TMEM223: variants seen among roughly 807,000 people sequenced by gnomAD.
TMEM223 encodes the protein transmembrane protein 223.
TMEM223 carries 14 observed loss-of-function variants against 14.1 expected under a neutral mutation model. That is an observed-to-expected ratio of 0.99 (90% CI 0.66 to 1.55). TMEM223 has a LOEUF of 1.55. TMEM223 is among the 40% of genes most tolerant of loss of function. TMEM223 has a pLI of 0.00. For missense variants in TMEM223, 346 were observed against 269.9 expected, an observed-to-expected ratio of 1.28 and a Z score of -1.97; for synonymous variants, 145 against 120.5, an observed-to-expected ratio of 1.20 and a Z score of -1.33.
In TMEM223 at chr11:62,790,110, C is replaced by T. The variant is rs558769093; in HGVS notation, c.*513G>A. 4.4e-4 allele frequency: 651 copies of T among 1,485,638 alleles called. 2 individuals are homozygous for T. The highest frequency in any genetic ancestry group is 4.0e-3 in the Middle Eastern group (16 of 3,992). The allele number at this position is 1,485,638 out of a possible 1,614,324, so 92.0% of individuals were successfully genotyped here. On this transcript the variant is annotated 3_prime_UTR_variant, in exon 2 of 2. Coordinates refer to ENST00000307366, the MANE Select transcript of TMEM223 (RefSeq NM_001080501.3). The stretch of plus-strand genomic sequence containing the variant: ...TGCCCAAGTGCCTGTAATCCCCCCC[C>T]TCAAGGCCCTGTTTATGTTGGGAGT...
chr11:62,788,309 A>T (rs1016134190), downstream of TMEM223, among the ~76,000 whole-genome samples: 1 of 152,216 alleles, frequency 6.6e-6, no homozygotes, highest in Admixed American at 6.5e-5. Context: ...AGGCTGAGGC[A>T]GGAGAATCGC....
chr11:62,786,230 T>G, downstream of TMEM223: 1 of 1,598,004 alleles, frequency 6.3e-7, no homozygotes, highest in Non-Finnish European at 8.6e-7. Flanking sequence ...ATCAAAGACA[T>G]GCTAACTGTA....
downstream of TMEM223, chr11:62,787,000 C>T (rs1357203247): frequency 1.1e-5 from 17 of 1,481,884 alleles, no homozygotes; most frequent in Admixed American, 3.0e-4. Context: ...CAGGCCCTTG[C>T]CGCGCGTGCA....
intron 1 of TMEM223, chr11:62,778,421 C>T (rs915951792): frequency 2.0e-5 from 30 of 1,489,794 alleles, no homozygotes; most frequent in Admixed American, 7.0e-5. Context: ...CCCGAGTCTG[C>T]GTCTAACATG....
downstream of TMEM223, chr11:62,788,977 A>AC: frequency 1.3e-6 from 2 of 1,565,492 alleles, no homozygotes; most frequent in Non-Finnish European, 1.7e-6. Flanking sequence ...GACTGTATCT[A>AC]GAGACATTAA....
rs879747751 is a variant in TMEM223 at position 62,790,151 on chromosome 11, G to T, written c.*472C>A. ...TGTTGGGAGTCTTAGTTTTCCTTTC[G>T]TTGGGGGGTGGGGGGGAAACATAAT... On this transcript the variant is annotated 3_prime_UTR_variant, in exon 2 of 2. Coordinates refer to ENST00000307366, the MANE Select transcript of TMEM223 (RefSeq NM_001080501.3). 3 of 1,300,180 alleles carry T rather than the reference G, an allele frequency of 2.3e-6. No homozygotes were observed. Among genetic ancestry groups the T allele is most frequent in the East Asian group, 2.6e-5 (1 of 38,010 alleles). The allele number at this position is 1,300,180 out of a possible 1,614,324, so 80.5% of individuals were successfully genotyped here.
intron 1 of TMEM223, chr11:62,782,435 G>A: frequency 7.7e-7 from 1 of 1,305,986 alleles, no homozygotes. Flanking sequence ...TCTATGAGAA[G>A]ATGGGGAACC....
intron 1 of TMEM223, among the ~76,000 whole-genome samples, chr11:62,780,223 CAGG>C (rs2084218671): frequency 6.6e-6 from 1 of 151,498 alleles, no homozygotes; most frequent in African/African-American, 2.4e-5. Flanking sequence ...GAGGCTGAGG[CAGG>C]AGAATTGCTT....
downstream of TMEM223, chr11:62,789,315 C>T: frequency 1.9e-6 from 3 of 1,614,104 alleles, no homozygotes; most frequent in Non-Finnish European, 2.5e-6. Flanking sequence ...CTGCGCATTG[C>T]ACTGGCCATC....
intron 1 of TMEM223, chr11:62,781,611 C>T (rs2084230251): frequency 3.0e-6 from 1 of 336,394 alleles, no homozygotes; most frequent in South Asian, 2.3e-5. Context: ...GGAGGTGGAG[C>T]TTGCAGTGAG....
At chr11:62,774,581 G>A (rs751034826) in intron 2 of TMEM223, 17 of 454,520 alleles carry the variant, frequency 3.7e-5, no homozygotes, top group Admixed American at 1.2e-4. Context: ...TCACTTTGGC[G>A]CACGGGAGCC....
At chr11:62,786,402 C>T (rs1474410073), downstream of TMEM223, 3 of 1,609,952 alleles carry the variant, frequency 1.9e-6, no homozygotes, top group East Asian at 4.5e-5. Context: ...AGTACCGTCC[C>T]CTTCCAGCCT....
At chr11:62,787,453 C>T, downstream of TMEM223, 3 of 1,569,618 alleles carry the variant, frequency 1.9e-6, no homozygotes, top group Non-Finnish European at 2.6e-6. Context: ...CTGGCTGCAG[C>T]GCGTCGAGCT....
At chr11:62,782,295 G>C in intron 1 of TMEM223, 1 of 1,614,112 alleles carries the variant, frequency 6.2e-7, no homozygotes, top group Non-Finnish European at 8.5e-7. Context: ...ACTGGACTCT[G>C]CGGGATGGGG....
At chr11:62,778,715 G>T (rs974867639) in intron 1 of TMEM223, 5 of 687,234 alleles carry the variant, frequency 7.3e-6, no homozygotes, top group Non-Finnish European at 1.3e-5. Context: ...TCAGGGCTGA[G>T]CAGGCTCTAA....
chr11:62,787,508 C>G, downstream of TMEM223: 2 of 1,576,630 alleles, frequency 1.3e-6, no homozygotes, highest in Non-Finnish European at 1.7e-6. Context: ...GTGGCGGCCG[C>G]GGCGATGACT....
rs1029893984 is a variant in TMEM223, at chr11:62,776,317, C to A, written c.315-1652G>T. The stretch of plus-strand genomic sequence containing the variant: ...GCCTTCTCTCCAGTCTGGCCCACTT[C>A]ATTTGGGGTTTCCCATGCCCCCTGC... On this transcript the variant is annotated intron_variant, in intron 1 of 2. Transcript: ENST00000528367. 48 of 1,532,348 alleles carry A rather than the reference C, an allele frequency of 3.1e-5. 1 individual carries two copies. The highest frequency in any genetic ancestry group is 2.4e-4 in the South Asian group (21 of 88,762). The allele number at this position is 1,532,348 out of a possible 1,614,324, so 94.9% of individuals were successfully genotyped here. A position where few individuals can be genotyped will look rare whatever the true frequency, so the allele number is the denominator to read the frequency against.
chr11:62,774,389 T>C (rs1346575339), intron 2 of TMEM223, among the ~76,000 whole-genome samples: 2 of 152,144 alleles, frequency 1.3e-5, no homozygotes, highest in Non-Finnish European at 2.9e-5. Context: ...ATTTGTTCTT[T>C]ATTTCAAAGA....
chr11:62,786,361 T>C, downstream of TMEM223: 1 of 1,614,162 alleles, frequency 6.2e-7, no homozygotes, highest in Non-Finnish European at 8.5e-7. Context: ...TCAAAGCAGA[T>C]GGACACAAAG....
Sources: gnomAD v4.1 joint callset for allele counts (sites outside exome capture counted in the v4.1 genomes callset) on GRCh38, gnomAD v4.1.1 for gene constraint, MANE v1.5 for transcripts, NCBI Gene and HGNC (gene_info 2026-07-23, HGNC 2026-07-21) for gene names.